Variants in PRICKLE2 observed in about 807,000 individuals in gnomAD.
PRICKLE2 encodes the protein prickle planar cell polarity protein 2.
Under a neutral mutation model 81.4 loss-of-function variants are expected in PRICKLE2, and 21 were observed. That is an observed-to-expected ratio of 0.26 (90% confidence interval 0.18 to 0.37). PRICKLE2 has a LOEUF of 0.37. PRICKLE2 is among the 10% of genes least tolerant of loss of function. The probability of loss-of-function intolerance (pLI) is 1.00; values close to 1 mark genes in which losing one functional copy is unlikely to be tolerated. For missense variants in PRICKLE2, 940 were observed against 1,109.0 expected, an observed-to-expected ratio of 0.85 and a Z score of 2.16; for synonymous variants, 456 against 421.5, an observed-to-expected ratio of 1.08 and a Z score of -1.00.
intron 1 of PRICKLE2, among the ~76,000 whole-genome samples, chr3:64,218,611 A>G (rs1025825904): frequency 1.3e-4 from 20 of 152,226 alleles, no homozygotes; most frequent in African/African-American, 4.8e-4. Flanking sequence ...GTGAACACCT[A>G]GTGAACACAG....
chr3:64,135,140 C>T (rs1321564841), intron 7 of PRICKLE2, among the ~76,000 whole-genome samples: 1 of 152,156 alleles, frequency 6.6e-6, no homozygotes, highest in Admixed American at 6.5e-5. Context: ...GGATAAATGA[C>T]TCGAAGAAGC....
chr3:64,095,208 G>A lies in PRICKLE2; in HGVS notation c.*3843C>T. 6.6e-6 allele frequency: 1 copy of A among 152,124 alleles called. No homozygotes were observed. Among genetic ancestry groups the A allele is most frequent in the South Asian group, 2.1e-4 (1 of 4,816 alleles). 9.4% of individuals were successfully genotyped at this position (152,124 alleles called of 1,614,324 possible). ...GCCAAGGAGGTAAAGAGATTTTTTT[G>A]TCCTTTAGCCTAAGAAGTCAGCTTC... is the stretch of plus-strand genomic sequence containing the variant. On this transcript the variant is annotated 3_prime_UTR_variant, in exon 8 of 8. Transcript: ENST00000638394.
intron 2 of PRICKLE2, chr3:64,175,157 C>A: frequency 1.1e-5 from 2 of 180,670 alleles, no homozygotes; most frequent in East Asian, 1.5e-4. Context: ...GTGGATCACC[C>A]CATGTGTATC....
At chr3:64,264,586 A>T (rs369981836) in intron 2 of PRICKLE2, among the ~76,000 whole-genome samples, 2 of 152,306 alleles carry the variant, frequency 1.3e-5, no homozygotes, top group South Asian at 2.1e-4. Context: ...AGTGTTCAAA[A>T]TTAGAATTTA....
intron 3 of PRICKLE2, among the ~76,000 whole-genome samples, chr3:64,161,577 C>T (rs545774848): frequency 6.6e-6 from 1 of 152,178 alleles, no homozygotes; most frequent in East Asian, 1.9e-4. Flanking sequence ...CACTGGGTCA[C>T]ACACACACAA....
At chr3:64,113,149 G>A (rs2076876729) in intron 7 of PRICKLE2, among the ~76,000 whole-genome samples, 1 of 152,206 alleles carries the variant, frequency 6.6e-6, no homozygotes, top group Admixed American at 6.5e-5. Flanking sequence ...GTGGCAGGGA[G>A]GGCTGCTTAG....
At chr3:64,126,447 A>G (rs1489617294) in intron 7 of PRICKLE2, among the ~76,000 whole-genome samples, 1 of 152,208 alleles carries the variant, frequency 6.6e-6, no homozygotes, top group East Asian at 1.9e-4. Context: ...CTCAAAACCC[A>G]AAGAAAGGAT....
At chr3:64,216,774 C>T (rs745423224) in intron 1 of PRICKLE2, among the ~76,000 whole-genome samples, 1 of 152,146 alleles carries the variant, frequency 6.6e-6, no homozygotes, top group East Asian at 1.9e-4. Context: ...TAGCAAGAAT[C>T]GAAGCTCCTG....
Position 64,147,583 on chromosome 3 carries a change from G to C in PRICKLE2, c.907C>G (p.Gln303Glu), listed in dbSNP as rs1397420948. 6.2e-7 allele frequency: 1 copy of C among 1,614,236 alleles called. No individual in the cohort carries two copies. The highest frequency in any genetic ancestry group is 1.7e-5 in the Admixed American group (1 of 60,032). Residue 303 changes from glutamine (Q) to glutamate (E), a missense_variant, in exon 7 of 8, where the codon CAG becomes GAG. Gln to Glu is a conservative substitution (Grantham distance 29). This residue lies in a region of PRICKLE2 where 670 missense variants were observed against 717.2 expected (regional missense o/e 0.93). Coordinates refer to ENST00000638394, the MANE Select transcript of PRICKLE2 (RefSeq NM_198859.4). The surrounding 1 kb of genome is among the most constrained non-coding windows in gnomAD (Gnocchi z 5.0). Reference sequence around the variant, plus strand: ...CTGCAGGCCCGTGAGCAGAATATCTGGCCCTGCTTCGGGAGGAATGGCCGC... The same window carrying C: ...CTGCAGGCCCGTGAGCAGAATATCTCGCCCTGCTTCGGGAGGAATGGCCGC... ...LGRPFLPKQG[Q>E]IFCSRACSAG...
chr3:64,101,883 AT>A (rs2076670041), intron 7 of PRICKLE2: 1 of 152,238 alleles, frequency 6.6e-6, no homozygotes, highest in Admixed American at 6.5e-5. Context: ...CAAGGGAAGA[AT>A]TAGTAACTAA....
intron 1 of PRICKLE2, among the ~76,000 whole-genome samples, chr3:64,221,420 T>TACACACAC (rs71808412): frequency 2.4e-4 from 34 of 143,906 alleles, no homozygotes; most frequent in East Asian, 1.2e-3. Context: ...GCTTGATTCA[T>TACACACAC]ACACACACAC....
intron 1 of PRICKLE2, among the ~76,000 whole-genome samples, chr3:64,221,853 G>A (rs2078960709): frequency 1.3e-5 from 2 of 152,150 alleles, no homozygotes; most frequent in Admixed American, 6.5e-5. Context: ...GTGCAGTTGG[G>A]TCATTGAGCC....
chr3:64,177,206 G>A (rs2078041156), intron 2 of PRICKLE2, among the ~76,000 whole-genome samples: 1 of 127,910 alleles, frequency 7.8e-6, no homozygotes, highest in Non-Finnish European at 1.5e-5. Context: ...CGTGATCTCG[G>A]CTCACTGCAA....
At chr3:64,258,845 A>AAAAGAAAGAAAGAAAAGAAAG (rs2079570252) in intron 2 of PRICKLE2, among the ~76,000 whole-genome samples, 2 of 34,000 alleles carry the variant, frequency 5.9e-5, no homozygotes, top group African/African-American at 2.6e-4. Context: ...AAAAAAAAAA[A>AAAAGAAAGAAAGAAAAGAAAG]AAAGAAAGAA....
At position 64,117,218 on chromosome 3, in the gene PRICKLE2, T is replaced by C. The variant is rs192889468; in HGVS notation, c.1661-17293A>G. On this transcript the variant is annotated intron_variant, in intron 7 of 7. Coordinates refer to ENST00000638394, the MANE Select transcript of PRICKLE2 (RefSeq NM_198859.4). ...ACATACCTCAAAATAATAAGAGCCATCCATGACAAACCCATAGCCACCACC... is the reference window on the plus strand; with the variant it reads ...ACATACCTCAAAATAATAAGAGCCACCCATGACAAACCCATAGCCACCACC... Among the ~76,000 whole-genome samples the C allele has an allele frequency of 3.6e-4, 55 of 152,258 alleles. No individual in the cohort carries two copies. In the East Asian group the frequency reaches 9.7e-3, roughly 27 times the overall value.
At chr3:64,127,150 G>T (rs1241489225) in intron 7 of PRICKLE2, among the ~76,000 whole-genome samples, 1 of 152,196 alleles carries the variant, frequency 6.6e-6, no homozygotes, top group Non-Finnish European at 1.5e-5. Context: ...GGTGCTGAGT[G>T]TTATAGAGAA....
At chr3:64,219,531 C>T (rs1470809600) in intron 1 of PRICKLE2, among the ~76,000 whole-genome samples, 1 of 152,166 alleles carries the variant, frequency 6.6e-6, no homozygotes, top group African/African-American at 2.4e-5. Context: ...TTCTGACTTT[C>T]CAAGCAATCT....
chr3:64,204,267 CG>C (rs1008193304), intron 1 of PRICKLE2, among the ~76,000 whole-genome samples: 4 of 152,042 alleles, frequency 2.6e-5, no homozygotes, highest in African/African-American at 9.7e-5. Context: ...GGACATATAC[CG>C]AGCCATATGC....
chr3:64,191,355 T>C (rs1380605117), intron 2 of PRICKLE2, among the ~76,000 whole-genome samples: 1 of 152,160 alleles, frequency 6.6e-6, no homozygotes, highest in Non-Finnish European at 1.5e-5. Context: ...AACTGACTTA[T>C]TGAGCAACTT....
Sources: gnomAD v4.1 joint callset for allele counts (sites outside exome capture counted in the v4.1 genomes callset) on GRCh38, gnomAD v4.1.1 for gene constraint, gnomAD v4.1.1 regional missense constraint, Gnocchi (gnomAD v3.1) non-coding constraint, MANE v1.5 for transcripts, NCBI Gene and HGNC (gene_info 2026-07-23, HGNC 2026-07-21) for gene names.